Variants in MYO1F observed in about 807,000 individuals in gnomAD.
MYO1F encodes unconventional myosin-If.
In MYO1F, 60 loss-of-function variants were observed where a neutral mutation model predicts 146.6. The observed-to-expected ratio is 0.41, with a 90% CI of 0.33 to 0.51. The LOEUF (loss-of-function observed/expected upper bound fraction) is 0.51. Ranked by LOEUF, MYO1F falls within the 20% of genes least tolerant of loss-of-function variation. MYO1F has a pLI of 0.25. For missense variants in MYO1F, 1,274 were observed against 1,534.3 expected (o/e 0.83, Z 2.83); for synonymous variants, 602 against 602.1 (o/e 1.00, Z 0.00).
intron 13 of MYO1F, among the ~76,000 whole-genome samples, chr19:8,544,839 G>A (rs1476282296): frequency 6.6e-6 from 1 of 152,060 alleles, no homozygotes; most frequent in Non-Finnish European, 1.5e-5. Flanking sequence ...GCAGTGGCGT[G>A]ATCTCAGCTC....
chr19:8,562,056 A>G (rs1974159786), intron 1 of MYO1F, among the ~76,000 whole-genome samples: 2 of 147,390 alleles, frequency 1.4e-5, no homozygotes, highest in African/African-American at 5.0e-5. Context: ...TTTTTTTGAG[A>G]TGGAGTCTTG....
intron 19 of MYO1F, among the ~76,000 whole-genome samples, chr19:8,535,904 A>T (rs1269486028): frequency 1.3e-5 from 2 of 151,634 alleles, no homozygotes; most frequent in Non-Finnish European, 2.9e-5. Flanking sequence ...GATGGTCTCG[A>T]TCTCCTGGCC....
At chr19:8,561,215 A>G (rs1312895071) in intron 1 of MYO1F, among the ~76,000 whole-genome samples, 1 of 152,012 alleles carries the variant, frequency 6.6e-6, no homozygotes, top group Non-Finnish European at 1.5e-5. Flanking sequence ...GCTGGGAGAA[A>G]GGGTGCACCA....
chr19:8,532,903 T>TATATATACAC (rs1972545379), intron 19 of MYO1F, among the ~76,000 whole-genome samples: 2 of 113,164 alleles, frequency 1.8e-5, no homozygotes, highest in Non-Finnish European at 3.6e-5. Context: ...AAAAAAAAAA[T>TATATATACAC]ACACACACAC....
intron 21 of MYO1F, among the ~76,000 whole-genome samples, chr19:8,527,962 G>A (rs1280795119): frequency 2.0e-5 from 3 of 152,224 alleles, no homozygotes; most frequent in African/African-American, 4.8e-5. Flanking sequence ...CATGGCTCAC[G>A]CCTGTAATCC....
At chr19:8,555,424 T>G in intron 2 of MYO1F, 5 of 307,228 alleles carry the variant, frequency 1.6e-5, no homozygotes, top group South Asian at 3.4e-5. Flanking sequence ...CAGGGTTGGA[T>G]CCGGAATGGG....
chr19:8,521,315 G>A lies in MYO1F; in HGVS notation c.*213C>T, dbSNP rs1972054007. The A allele has an allele frequency of 1.6e-6, 1 of 611,548 alleles. No individual in the cohort carries two copies. Among genetic ancestry groups the A allele is most frequent in the Non-Finnish European group, 3.0e-6 (1 of 338,196 alleles). The allele number at this position is 611,548 out of a possible 1,614,324, so 37.9% of individuals were successfully genotyped here. ...ACACAGAAATGGAGAATGGGCAGCA[G>A]GTGTGATGTTGGAGGAAGACCAGGG... On this transcript the variant is annotated 3_prime_UTR_variant, in exon 28 of 28. Coordinates refer to ENST00000644032, the MANE Select transcript of MYO1F (RefSeq NM_012335.4).
At chr19:8,556,885 C>G (rs1973881694) in intron 1 of MYO1F, among the ~76,000 whole-genome samples, 1 of 94,756 alleles carries the variant, frequency 1.1e-5, no homozygotes, top group Admixed American at 1.2e-4. Context: ...GAAACTCTGT[C>G]TCAAAAAAAA....
intron 17 of MYO1F, 35 bp downstream of exon 17, chr19:8,536,914 G>A: frequency 1.5e-6 from 2 of 1,346,516 alleles, no homozygotes; most frequent in Non-Finnish European, 1.0e-6. Flanking sequence ...CAGGGCCTGG[G>A]GGGAATGAAT....
At chr19:8,535,279 T>C (rs1009691666) in intron 19 of MYO1F, among the ~76,000 whole-genome samples, 4 of 152,196 alleles carry the variant, frequency 2.6e-5, no homozygotes, top group African/African-American at 9.6e-5. Flanking sequence ...TTGTTGTTGA[T>C]GTTCTTATAG....
intron 22 of MYO1F, 77 bp downstream of exon 22, chr19:8,527,261 C>T: frequency 6.3e-7 from 1 of 1,592,154 alleles, no homozygotes; most frequent in Non-Finnish European, 8.6e-7. Context: ...GTCAGGGTAA[C>T]AGACGGGGTC....
intron 27 of MYO1F, 144 bp from the exon 28 acceptor site, chr19:8,521,748 C>T: frequency 2.6e-6 from 2 of 756,380 alleles, no homozygotes; most frequent in Non-Finnish European, 4.6e-6. Context: ...CCTCCTGCCT[C>T]AGCCTCCCAA....
chr19:8,545,652 G>C lies in MYO1F; in HGVS notation c.1354C>G (p.Leu452Val). 6.2e-7 allele frequency: 1 copy of C among 1,613,568 alleles called. No individual in the cohort carries two copies. ...GCCAAAGTTGACCCAGCCCTCACCAGCTTGTTTTCGATGAGGTCACAGACG... is the reference window on the plus strand; with the variant it reads ...GCCAAAGTTGACCCAGCCCTCACCACCTTGTTTTCGATGAGGTCACAGACG... ...KVVCDLIENK[L>V]SPPGIMSVLD... The change falls in exon 13 of 28, where the codon CTG becomes GTG. Residue 452 changes from leucine to valine, a missense_variant and splice_region_variant. By Grantham distance (32) the Leu-to-Val change is conservative. Around this residue, in one of 2 missense-constraint regions of MYO1F, gnomAD observed 900 missense variants for 1,155.1 expected, o/e 0.78. Transcript: ENST00000644032.
chr19:8,553,059 G>C (rs1009457825), intron 6 of MYO1F, 80 bp downstream of exon 6: 2 of 1,298,404 alleles, frequency 1.5e-6, no homozygotes, highest in African/African-American at 2.9e-5. Flanking sequence ...GGCAATACGG[G>C]TGTGTGTATG....
chr19:8,555,376 CAAAAAAAAAAAAA>C (rs886749061), intron 2 of MYO1F: 11 of 100,286 alleles, frequency 1.1e-4, no homozygotes, highest in African/African-American at 4.0e-4. Flanking sequence ...GACTCCGTCT[CAAAAAAAAAAAAA>C]AAAAAAAAAA....
At chr19:8,576,840 T>G (rs1461188229) in intron 1 of MYO1F, 2 of 207,750 alleles carry the variant, frequency 9.6e-6, no homozygotes, top group African/African-American at 4.6e-5. Context: ...ATGTTGCAAC[T>G]GAAAGACCCC....
At chr19:8,533,360 T>TTC (rs1972572988) in intron 19 of MYO1F, among the ~76,000 whole-genome samples, 2 of 117,944 alleles carry the variant, frequency 1.7e-5, no homozygotes, top group African/African-American at 6.8e-5. Flanking sequence ...TCTTCTTCTT[T>TTC]TTTTTTTTTT....
At chr19:8,564,724 A>AGAGG (rs1017423674) in intron 1 of MYO1F, among the ~76,000 whole-genome samples, 2 of 149,650 alleles carry the variant, frequency 1.3e-5, no homozygotes, top group African/African-American at 4.9e-5. Context: ...GAAGAGGGAG[A>AGAGG]GAGGCTGTGG....
At chr19:8,535,923 C>T (rs1208351301) in intron 19 of MYO1F, among the ~76,000 whole-genome samples, 4 of 152,080 alleles carry the variant, frequency 2.6e-5, no homozygotes, top group South Asian at 2.1e-4. Flanking sequence ...CCTTGTGATC[C>T]GCCCTCCTCA....
Sources: gnomAD v4.1 joint callset for allele counts (sites outside exome capture counted in the v4.1 genomes callset) on GRCh38, gnomAD v4.1.1 for gene constraint, gnomAD v4.1.1 regional missense constraint, MANE v1.5 for transcripts, NCBI Gene and HGNC (gene_info 2026-07-23, HGNC 2026-07-21) for gene names.